The following CYP4F22 variants were observed in gnomAD, a reference collection of about 807,000 sequenced individuals.
CYP4F22 encodes ultra-long-chain fatty acid omega-hydroxylase.
Under a neutral mutation model 60.4 loss-of-function variants are expected in CYP4F22, and 37 were observed. The observed-to-expected ratio is 0.61, with a 90% CI of 0.47 to 0.81. The LOEUF (loss-of-function observed/expected upper bound fraction) is 0.81, where lower values mean the gene tolerates loss of function less well. Among genes scored for constraint, CYP4F22 ranks in the 30% least tolerant of loss-of-function variants. The pLI, the probability that CYP4F22 is intolerant of heterozygous loss-of-function variation, is 0.00. For missense variants in CYP4F22, 655 were observed against 715.0 expected, an observed-to-expected ratio of 0.92 and a Z score of 0.96; for synonymous variants, 258 against 280.5, an observed-to-expected ratio of 0.92 and a Z score of 0.80.
Position 15,551,432 on chromosome 19 carries a change from G to A in CYP4F22, c.1557G>A (p.Gly519=), listed in dbSNP as rs770885844. 5 of 1,584,306 alleles carry A rather than the reference G, an allele frequency of 3.2e-6. No homozygotes were observed. In the Admixed American group the frequency reaches 7.2e-5, roughly 23 times the overall value. The change falls in exon 14 of 14, where the codon GGG becomes GGA. Residue 519 remains glycine, a synonymous_variant. Transcript: ENST00000269703. ...AGCTCATACTGCGCACGGAGAACGG[G>A]CTCTGGCTCAAGGTGGAGCCGCTGC... ...KPELILRTEN[G]LWLKVEPLPP...
In CYP4F22 at chr19:15,514,610, G is replaced by T. The variant is rs116916291; in HGVS notation, c.-109+6027G>T. 8.0e-3 allele frequency among the ~76,000 whole-genome samples: 1,215 copies of T among 152,198 alleles called. 11 individuals carry two copies. The highest frequency in any genetic ancestry group is 0.013 in the Non-Finnish European group (900 of 68,014). The stretch of plus-strand genomic sequence containing the variant: ...TGCTTGAACCTGGGAGGCAGAAGTT[G>T]CAGGGAGCCAAGACTGTGCCGTTGC... On this transcript the variant is annotated intron_variant, in intron 1 of 13. Coordinates refer to ENST00000269703, the MANE Select transcript of CYP4F22 (RefSeq NM_173483.4).
chr19:15,530,235 G>A (rs563193688), intron 4 of CYP4F22, among the ~76,000 whole-genome samples: 5 of 152,326 alleles, frequency 3.3e-5, no homozygotes, highest in African/African-American at 7.2e-5. Context: ...GCAGCCTGCT[G>A]TCATCACTTG....
rs11671708 is a variant in CYP4F22, at chr19:15,530,221, G to A, written c.367+368G>A. On this transcript the variant is annotated intron_variant, in intron 4 of 13. Coordinates refer to ENST00000269703, the MANE Select transcript of CYP4F22 (RefSeq NM_173483.4). ...TATGGCCAGGACTCTTGGTGACTCAGCCTGCAGCCTGCTGTCATCACTTGG... is the reference window on the plus strand; with the variant it reads ...TATGGCCAGGACTCTTGGTGACTCAACCTGCAGCCTGCTGTCATCACTTGG... 3.9e-5 allele frequency among the ~76,000 whole-genome samples: 6 copies of A among 152,296 alleles called. No individual in the cohort carries two copies. In the East Asian group the frequency reaches 1.2e-3, roughly 29 times the overall value.
At chr19:15,531,865 G>C (rs1278144119) in intron 4 of CYP4F22, among the ~76,000 whole-genome samples, 1 of 152,140 alleles carries the variant, frequency 6.6e-6, no homozygotes, top group Non-Finnish European at 1.5e-5. Context: ...AGCACTTTGG[G>C]AGGCCACGGC....
At chr19:15,550,788 G>C in intron 13 of CYP4F22, 32 bp downstream of exon 13, 1 of 1,610,294 alleles carries the variant, frequency 6.2e-7, no homozygotes, top group Non-Finnish European at 8.5e-7. Context: ...GTCCAAGCCA[G>C]CTGTGTAGGA....
At chr19:15,511,168 G>T (rs1187909166) in intron 1 of CYP4F22, among the ~76,000 whole-genome samples, 1 of 151,110 alleles carries the variant, frequency 6.6e-6, no homozygotes, top group African/African-American at 2.4e-5. Flanking sequence ...GTTTCTCCAT[G>T]TTGGTCAGGC....
rs536442955 is a variant in CYP4F22 at position 15,523,430 on chromosome 19, C to T, written c.-108-263C>T. On this transcript the variant is annotated intron_variant, in intron 1 of 13. Transcript: ENST00000269703. Reference sequence around the variant, plus strand: ...CACTCACTCACTATCTGGAAGACAGCGCCAAGGGGATGGTGTTAACCATTC... The same window carrying T: ...CACTCACTCACTATCTGGAAGACAGTGCCAAGGGGATGGTGTTAACCATTC... 2.0e-5 allele frequency among the ~76,000 whole-genome samples: 3 copies of T among 152,236 alleles called. 1 individual carries two copies. Among genetic ancestry groups the T allele is most frequent in the African/African-American group, 4.8e-5 (2 of 41,564 alleles).
At chr19:15,515,266 C>T (rs895151983) in intron 1 of CYP4F22, 3 of 895,442 alleles carry the variant, frequency 3.4e-6, no homozygotes, top group Non-Finnish European at 3.6e-6. Context: ...TCAGAAATTC[C>T]AAATTTTCAA....
At chr19:15,511,465 AAAAC>A (rs1212747409) in intron 1 of CYP4F22, among the ~76,000 whole-genome samples, 5 of 152,176 alleles carry the variant, frequency 3.3e-5, no homozygotes, top group South Asian at 4.1e-4. Context: ...TCTAAAAAAC[AAAAC>A]AAACAAACAA....
intron 8 of CYP4F22, among the ~76,000 whole-genome samples, chr19:15,541,489 G>A (rs1228731315): frequency 6.6e-6 from 1 of 151,750 alleles, no homozygotes; most frequent in Non-Finnish European, 1.5e-5. Context: ...CTCCAAACAC[G>A]GTCATAGCCT....
chr19:15,537,169 CGG>C, intron 4 of CYP4F22, among the ~76,000 whole-genome samples, 190 bp from the exon 5 acceptor site: 1 of 152,110 alleles, frequency 6.6e-6, no homozygotes, highest in South Asian at 2.1e-4. Flanking sequence ...GGCATGGTGG[CGG>C]ACACCTGTAA....
intron 1 of CYP4F22, among the ~76,000 whole-genome samples, chr19:15,510,964 A>ATTTTTTTTTTTTT (rs1395915764): frequency 8.8e-6 from 1 of 113,672 alleles, no homozygotes; most frequent in African/African-American, 4.1e-5. Flanking sequence ...ATATATATAT[A>ATTTTTTTTTTTTT]TATTTTTTTT....
intron 1 of CYP4F22, among the ~76,000 whole-genome samples, chr19:15,511,048 C>T (rs2144491676): frequency 6.8e-6 from 1 of 146,496 alleles, no homozygotes; most frequent in African/African-American, 2.5e-5. Context: ...CTCACTGCAA[C>T]CCCTGCCTCC....
intron 1 of CYP4F22, among the ~76,000 whole-genome samples, chr19:15,521,853 AAC>A (rs1350707188): frequency 3.9e-5 from 6 of 151,940 alleles, no homozygotes; most frequent in Non-Finnish European, 8.8e-5. Flanking sequence ...TCTTAAAAGG[AAC>A]CACCAGTGGC....
intron 3 of CYP4F22, among the ~76,000 whole-genome samples, chr19:15,528,150 C>T (rs1390130177): frequency 6.6e-6 from 1 of 152,070 alleles, no homozygotes; most frequent in Non-Finnish European, 1.5e-5. Context: ...TGGCTGGAGC[C>T]CACTCTGCAA....
At chr19:15,533,035 C>T (rs1275873106) in intron 4 of CYP4F22, among the ~76,000 whole-genome samples, 3 of 152,224 alleles carry the variant, frequency 2.0e-5, no homozygotes. Flanking sequence ...GGGGCCACAC[C>T]TGGGAGTGGC....
chr19:15,532,055 A>G (rs2144521248), intron 4 of CYP4F22, among the ~76,000 whole-genome samples: 1 of 152,204 alleles, frequency 6.6e-6, no homozygotes, highest in African/African-American at 2.4e-5. Context: ...GCAGAGAGCT[A>G]TGATTGTGCC....
intron 1 of CYP4F22, among the ~76,000 whole-genome samples, chr19:15,523,075 C>T (rs893117056): frequency 6.7e-6 from 1 of 149,100 alleles, no homozygotes; most frequent in Non-Finnish European, 1.5e-5. Flanking sequence ...CTAAGTGAGG[C>T]GTGGTGTGGT....
chr19:15,537,847 C>T (rs1359097799), intron 6 of CYP4F22, 25 bp from the exon 7 acceptor site: 2 of 1,612,966 alleles, frequency 1.2e-6, no homozygotes, highest in African/African-American at 2.7e-5. Flanking sequence ...TTTCCATGCA[C>T]AGTCACCATG....
Sources: allele counts gnomAD v4.1 joint callset (sites outside exome capture counted in the v4.1 genomes callset), GRCh38; gene constraint gnomAD v4.1.1; transcripts MANE v1.5; gene names NCBI Gene and HGNC (gene_info 2026-07-23, HGNC 2026-07-21).